The following ZNRF3 variants were observed in gnomAD, a reference collection of about 807,000 sequenced individuals.
The protein encoded by ZNRF3 is zinc and ring finger 3, also known as E3 ubiquitin-protein ligase ZNRF3.
Under a neutral mutation model 72.5 loss-of-function variants are expected in ZNRF3, and 23 were observed. The observed-to-expected ratio is 0.32, with a 90% CI of 0.23 to 0.45. The LOEUF is 0.45. ZNRF3 is among the 20% of genes least tolerant of loss of function. The pLI is 1.00. For synonymous variants in ZNRF3, 610 were observed against 545.3 expected (o/e 1.12, Z -1.65); for missense variants, 1,169 against 1,272.1 (o/e 0.92, Z 1.23).
At chr22:28,931,511 T>G (rs2034706015) in intron 1 of ZNRF3, among the ~76,000 whole-genome samples, 1 of 152,180 alleles carries the variant, frequency 6.6e-6, no homozygotes, top group South Asian at 2.1e-4. Flanking sequence ...ACCCTGGGAT[T>G]ATTGGCCTAA....
At chr22:28,925,225 G>A (rs931420475) in intron 1 of ZNRF3, among the ~76,000 whole-genome samples, 3 of 152,138 alleles carry the variant, frequency 2.0e-5, no homozygotes, top group African/African-American at 7.2e-5. Flanking sequence ...CAGAATTCAG[G>A]GTCAGTGGGG....
At chr22:29,009,907 T>C (rs1204815882) in intron 2 of ZNRF3, among the ~76,000 whole-genome samples, 3 of 145,464 alleles carry the variant, frequency 2.1e-5, no homozygotes, top group Non-Finnish European at 3.0e-5. Flanking sequence ...TTTTTCCTCT[T>C]TTTTTTTTTT....
At chr22:28,986,593 C>T in intron 1 of ZNRF3, 1 of 985,150 alleles carries the variant, frequency 1.0e-6, no homozygotes, top group South Asian at 4.7e-5. Context: ...CTGGTGATTT[C>T]TGTGGTCTCT....
At chr22:28,977,734 G>T (rs1253832387) in intron 1 of ZNRF3, among the ~76,000 whole-genome samples, 1 of 152,208 alleles carries the variant, frequency 6.6e-6, no homozygotes, top group Non-Finnish European at 1.5e-5. Flanking sequence ...TTAGAAGCAG[G>T]CGGCTCTTTT....
At chr22:28,943,679 G>C (rs114433414) in intron 1 of ZNRF3, among the ~76,000 whole-genome samples, 5,147 of 152,110 alleles carry the variant, frequency 0.034, 186 homozygotes, top group African/African-American at 0.092. Context: ...ACACACATGG[G>C]GGGGGAGGGG....
At chr22:28,993,270 C>T (rs966861092) in intron 2 of ZNRF3, among the ~76,000 whole-genome samples, 2 of 152,096 alleles carry the variant, frequency 1.3e-5, no homozygotes, top group Admixed American at 6.6e-5. Context: ...GGGCTCAAGC[C>T]CGGAAATTAC....
intron 5 of ZNRF3, among the ~76,000 whole-genome samples, chr22:29,046,356 TCA>T (rs2037070247): frequency 6.6e-6 from 1 of 152,146 alleles, no homozygotes; most frequent in Admixed American, 6.5e-5. Context: ...CTATTTACTG[TCA>T]CCACCTCCTT....
At chr22:28,921,689 A>G (rs2034516869) in intron 1 of ZNRF3, among the ~76,000 whole-genome samples, 1 of 152,220 alleles carries the variant, frequency 6.6e-6, no homozygotes, top group African/African-American at 2.4e-5. Context: ...GGTCAACAGC[A>G]TGCCTTCTGA....
chr22:28,929,169 C>T (rs1288075747), intron 1 of ZNRF3, among the ~76,000 whole-genome samples: 1 of 152,188 alleles, frequency 6.6e-6, no homozygotes, highest in Non-Finnish European at 1.5e-5. Context: ...ACCAGGAAGC[C>T]AGCGGCCTTT....
At chr22:28,965,021 C>T (rs1257120705) in intron 1 of ZNRF3, among the ~76,000 whole-genome samples, 1 of 152,092 alleles carries the variant, frequency 6.6e-6, no homozygotes, top group Non-Finnish European at 1.5e-5. Flanking sequence ...ACCTCAACTG[C>T]GCCAAAGCTT....
At chr22:28,982,488 C>T (rs1487249860) in intron 1 of ZNRF3, among the ~76,000 whole-genome samples, 2 of 148,360 alleles carry the variant, frequency 1.3e-5, no homozygotes, top group African/African-American at 5.0e-5. Context: ...ATTGCTTGAG[C>T]CTAGGGGGTC....
intron 2 of ZNRF3, among the ~76,000 whole-genome samples, chr22:29,024,284 G>GTTTCTTTT (rs2036586230): frequency 7.8e-6 from 1 of 127,826 alleles, no homozygotes; most frequent in South Asian, 2.5e-4. Context: ...GGCATTAACT[G>GTTTCTTTT]TTTTTTTTTT....
intron 1 of ZNRF3, among the ~76,000 whole-genome samples, chr22:28,937,466 C>T (rs2034861176): frequency 6.6e-6 from 1 of 151,938 alleles, no homozygotes; most frequent in African/African-American, 2.4e-5. Flanking sequence ...AACATACTGA[C>T]CCCTTTTGCA....
chr22:28,952,005 A>G (rs149438769), intron 1 of ZNRF3, among the ~76,000 whole-genome samples: 1 of 152,336 alleles, frequency 6.6e-6, no homozygotes, highest in Non-Finnish European at 1.5e-5. Flanking sequence ...AGCAAGGAGC[A>G]CTGAGCCAGC....
In ZNRF3 at chr22:28,965,301, C is replaced by G. The variant is rs1260548413; in HGVS notation, c.301-21775C>G. On this transcript the variant is annotated intron_variant, in intron 1 of 8. Transcript: ENST00000544604. The stretch of plus-strand genomic sequence containing the variant: ...CAACTACTAAAACAGAAAATAACAG[C>G]CACTAACATTTACTATGTGCTTGCC... 3.3e-5 allele frequency among the ~76,000 whole-genome samples: 5 copies of G among 152,212 alleles called. No homozygotes were observed. The East Asian group carries it at 9.6e-4, about 29-fold the overall frequency.
chr22:28,957,858 T>G (rs1245229793), intron 1 of ZNRF3, among the ~76,000 whole-genome samples: 6 of 152,014 alleles, frequency 3.9e-5, no homozygotes. Context: ...TGGAGAACTT[T>G]GTGGGAGTGA....
intron 1 of ZNRF3, among the ~76,000 whole-genome samples, chr22:28,926,452 C>T (rs1185070637): frequency 1.3e-5 from 2 of 149,910 alleles, no homozygotes; most frequent in Admixed American, 1.3e-4. Flanking sequence ...TCCCCAGTAG[C>T]TGGGATTATA....
At chr22:29,039,345 C>T (rs2036917977) in intron 2 of ZNRF3, among the ~76,000 whole-genome samples, 1 of 152,156 alleles carries the variant, frequency 6.6e-6, no homozygotes, top group Non-Finnish European at 1.5e-5. Context: ...TTAGACTCTC[C>T]AGGTGCACCT....
At chr22:28,892,377 G>T (rs991277324) in intron 1 of ZNRF3, among the ~76,000 whole-genome samples, 1 of 152,208 alleles carries the variant, frequency 6.6e-6, no homozygotes, top group Non-Finnish European at 1.5e-5. Context: ...AAGAACACCT[G>T]GGGGAGGGAA....
Sources: gnomAD v4.1 joint callset for allele counts (sites outside exome capture counted in the v4.1 genomes callset) on GRCh38, gnomAD v4.1.1 for gene constraint, MANE v1.5 for transcripts, NCBI Gene and HGNC (gene_info 2026-07-23, HGNC 2026-07-21) for gene names.